The following EYA2 variants were observed in gnomAD, a reference collection of about 807,000 sequenced individuals.
EYA2 encodes EYA transcriptional coactivator and phosphatase 2, also known as protein phosphatase EYA2.
Under a neutral mutation model 69.2 loss-of-function variants are expected in EYA2, and 31 were observed. That is an observed-to-expected ratio of 0.45 (90% CI 0.34 to 0.60). The LOEUF is 0.60. EYA2 is among the 20% of genes least tolerant of loss of function. The pLI is 0.02. For synonymous variants in EYA2, 257 were observed against 279.4 expected (o/e 0.92, Z 0.80); for missense variants, 622 against 701.2 (o/e 0.89, Z 1.28).
intron 15 of EYA2, among the ~76,000 whole-genome samples, chr20:47,184,768 G>A (rs1259892612): frequency 6.6e-6 from 1 of 152,064 alleles, no homozygotes; most frequent in Non-Finnish European, 1.5e-5. Context: ...TAATTAATTT[G>A]CCTAGGGTCA....
chr20:46,983,720 A>C (rs137991507), intron 1 of EYA2, among the ~76,000 whole-genome samples: 1 of 152,146 alleles, frequency 6.6e-6, no homozygotes, highest in Admixed American at 6.5e-5. Flanking sequence ...CCTGTGTCCT[A>C]ACTACTTTAG....
At chr20:47,047,394 C>CTTTTTTTTT (rs1440846354) in intron 5 of EYA2, among the ~76,000 whole-genome samples, 24 of 129,168 alleles carry the variant, frequency 1.9e-4, no homozygotes, top group African/African-American at 6.9e-4. Flanking sequence ...GTCTCTCTCT[C>CTTTTTTTTT]TCTTTTTTTT....
intron 1 of EYA2, among the ~76,000 whole-genome samples, chr20:46,906,054 A>T (rs1241196543): frequency 2.0e-5 from 3 of 152,238 alleles, no homozygotes; most frequent in Non-Finnish European, 4.4e-5. Flanking sequence ...CTTGAAATGT[A>T]CATGGACATT....
Position 47,041,669 on chromosome 20 carries a change from G to A in EYA2, c.415+25372G>A, listed in dbSNP as rs752669354. On this transcript the variant is annotated intron_variant, in intron 5 of 15. Transcript: ENST00000327619. Reference sequence around the variant, plus strand: ...ATTCAATGAACATCTTGTTGGACTCGGTAGGAAGGTGTGCAGGGATCAATT... The same window carrying A: ...ATTCAATGAACATCTTGTTGGACTCAGTAGGAAGGTGTGCAGGGATCAATT... Among the ~76,000 whole-genome samples, 8 of 151,482 alleles carry A rather than the reference G, an allele frequency of 5.3e-5. No homozygotes were observed. In the East Asian group the frequency reaches 5.8e-4, roughly 11 times the overall value.
intron 1 of EYA2, among the ~76,000 whole-genome samples, chr20:46,914,876 T>C (rs1213333557): frequency 6.6e-6 from 1 of 152,148 alleles, no homozygotes; most frequent in Non-Finnish European, 1.5e-5. Context: ...ACCATGATTG[T>C]TTGAGAGAGG....
At chr20:47,123,597 A>T (rs937044262) in intron 9 of EYA2, among the ~76,000 whole-genome samples, 22 of 152,212 alleles carry the variant, frequency 1.4e-4, no homozygotes, top group African/African-American at 4.6e-4. Flanking sequence ...CAATATTGCA[A>T]ACCATACATA....
chr20:47,109,341 C>A (rs2032684185), intron 9 of EYA2, among the ~76,000 whole-genome samples: 1 of 152,332 alleles, frequency 6.6e-6, no homozygotes, highest in South Asian at 2.1e-4. Flanking sequence ...AGGCCCCTTT[C>A]TTGTTTCACG....
At chr20:46,895,460 A>T (rs755420901) in intron 1 of EYA2, among the ~76,000 whole-genome samples, 1 of 152,218 alleles carries the variant, frequency 6.6e-6, no homozygotes, top group Non-Finnish European at 1.5e-5. Context: ...TTGGGGCTGG[A>T]ACGGCCCGCT....
intron 9 of EYA2, among the ~76,000 whole-genome samples, chr20:47,115,163 T>A (rs2032855998): frequency 1.3e-5 from 2 of 152,146 alleles, no homozygotes; most frequent in Non-Finnish European, 2.9e-5. Context: ...ACCTCCCAAC[T>A]GCCCACCACC....
chr20:46,907,619 G>A (rs1036392763), intron 1 of EYA2, among the ~76,000 whole-genome samples: 32 of 152,190 alleles, frequency 2.1e-4, no homozygotes, highest in African/African-American at 7.5e-4. Flanking sequence ...CAGGCGGATT[G>A]CGTGAAGTCA....
intron 1 of EYA2, among the ~76,000 whole-genome samples, chr20:46,946,466 C>T (rs971849163): frequency 1.3e-5 from 2 of 152,022 alleles, no homozygotes; most frequent in Admixed American, 6.6e-5. Context: ...TATCATTGTG[C>T]GAGGGGCTCC....
chr20:46,973,242 C>T lies in EYA2; in HGVS notation c.-10-16759C>T, dbSNP rs552034911. On this transcript the variant is annotated intron_variant, in intron 1 of 15. Coordinates refer to ENST00000327619, the MANE Select transcript of EYA2 (RefSeq NM_005244.5). ...TGAAAAGAGAAATGCATTAACAACA[C>T]CGTGAACAGGCAGACAGACAAATAC... Among the ~76,000 whole-genome samples, 23 of 152,284 alleles carry T rather than the reference C, an allele frequency of 1.5e-4. No individual in the cohort carries two copies. The South Asian group carries it at 4.8e-3, about 32-fold the overall frequency.
At chr20:46,907,764 A>C (rs1984433561) in intron 1 of EYA2, among the ~76,000 whole-genome samples, 1 of 152,112 alleles carries the variant, frequency 6.6e-6, no homozygotes, top group Non-Finnish European at 1.5e-5. Flanking sequence ...GCTTGAGCCC[A>C]GGAGGTGGAG....
intron 1 of EYA2, among the ~76,000 whole-genome samples, chr20:46,955,138 ATTTT>A (rs34188905): frequency 7.2e-6 from 1 of 139,512 alleles, no homozygotes. Context: ...TCATGCAGTC[ATTTT>A]TTTTTTTTTT....
At chr20:47,122,471 G>A (rs1262495480) in intron 9 of EYA2, among the ~76,000 whole-genome samples, 1 of 150,342 alleles carries the variant, frequency 6.7e-6, no homozygotes, top group Non-Finnish European at 1.5e-5. Context: ...TTTTTTTTTT[G>A]TATTTTTTAG....
intron 1 of EYA2, among the ~76,000 whole-genome samples, chr20:46,958,766 C>T (rs570670582): frequency 6.6e-6 from 1 of 152,178 alleles, no homozygotes; most frequent in Non-Finnish European, 1.5e-5. Flanking sequence ...TCACTTAGCT[C>T]GCACCTATTA....
intron 1 of EYA2, among the ~76,000 whole-genome samples, chr20:46,953,079 A>T (rs1250484522): frequency 6.6e-6 from 1 of 152,236 alleles, no homozygotes; most frequent in Non-Finnish European, 1.5e-5. Context: ...AAATACTTTT[A>T]ACAGCATTAT....
chr20:47,107,007 C>T (rs2032601654), intron 9 of EYA2, among the ~76,000 whole-genome samples: 1 of 152,096 alleles, frequency 6.6e-6, no homozygotes, highest in Non-Finnish European at 1.5e-5. Flanking sequence ...ATGGGAGGCA[C>T]AACAAACCCG....
chr20:47,004,936 A>G lies in EYA2; in HGVS notation c.156-6A>G, dbSNP rs992778015. ...TGGAGATTTAATCTTCCCTCTTTCC[A>G]CACAGATCTTGCCCACGTGTCCTCC... On this transcript the variant is annotated splice_polypyrimidine_tract_variant and splice_region_variant and intron_variant, in intron 3 of 15. Coordinates refer to ENST00000327619, the MANE Select transcript of EYA2 (RefSeq NM_005244.5). The G allele has an allele frequency of 6.2e-7, 1 of 1,614,034 alleles. No individual in the cohort carries two copies. Among genetic ancestry groups the G allele is most frequent in the Non-Finnish European group, 8.5e-7 (1 of 1,179,964 alleles).
Sources: allele counts gnomAD v4.1 joint callset (sites outside exome capture counted in the v4.1 genomes callset), GRCh38; gene constraint gnomAD v4.1.1; transcripts MANE v1.5; gene names NCBI Gene and HGNC (gene_info 2026-07-23, HGNC 2026-07-21).